The following KAZN variants were observed in gnomAD, a reference collection of about 807,000 sequenced individuals.
The protein encoded by KAZN is kazrin, periplakin interacting protein, also known as kazrin.
A neutral mutation model predicts 87.4 loss-of-function variants in KAZN; 40 were observed. The ratio of observed to expected loss-of-function variants is 0.46; its 90% confidence interval spans 0.36 to 0.60. KAZN has a LOEUF of 0.60. KAZN is among the 20% of genes least tolerant of loss of function. The probability of loss-of-function intolerance (pLI) is 0.00; values close to 1 mark genes in which losing one functional copy is unlikely to be tolerated. For synonymous variants in KAZN, 466 were observed against 458.3 expected (o/e 1.02, Z -0.22); for missense variants, 898 against 1,073.9 (o/e 0.84, Z 2.29).
chr1:14,482,091 A>C (rs1488391043), intron 2 of KAZN, among the ~76,000 whole-genome samples: 1 of 152,218 alleles, frequency 6.6e-6, no homozygotes, highest in African/African-American at 2.4e-5. Context: ...CTTGAGGAGC[A>C]TGCAGCGGTG....
chr1:14,632,755 G>A (rs902934380), intron 1 of KAZN, among the ~76,000 whole-genome samples: 4 of 151,946 alleles, frequency 2.6e-5, no homozygotes, highest in Non-Finnish European at 5.9e-5. Context: ...TCATCCCGCA[G>A]GTACCCTCTG....
intron 2 of KAZN, among the ~76,000 whole-genome samples, chr1:14,256,291 G>A (rs1190222955): frequency 6.6e-6 from 1 of 152,010 alleles, no homozygotes; most frequent in Non-Finnish European, 1.5e-5. Flanking sequence ...AGTGTCTCTG[G>A]CCACACAATA....
At chr1:14,056,484 C>T (rs949714365) in intron 1 of KAZN, among the ~76,000 whole-genome samples, 9 of 152,226 alleles carry the variant, frequency 5.9e-5, no homozygotes, top group African/African-American at 1.7e-4. Context: ...AGGGACCCAG[C>T]CCTGCTGACA....
At chr1:14,549,753 G>T (rs561188621) in intron 2 of KAZN, among the ~76,000 whole-genome samples, 1 of 144,698 alleles carries the variant, frequency 6.9e-6, no homozygotes, top group African/African-American at 2.6e-5. Flanking sequence ...GCCTCAGTTC[G>T]GTCTTCCCAC....
intron 1 of KAZN, among the ~76,000 whole-genome samples, chr1:14,905,966 A>G (rs1320700017): frequency 6.6e-6 from 1 of 151,178 alleles, no homozygotes; most frequent in East Asian, 1.9e-4. Context: ...CAGGAGATCG[A>G]GGCCATCCTG....
intron 8 of KAZN, among the ~76,000 whole-genome samples, chr1:15,068,709 C>T (rs914443356): frequency 2.0e-5 from 3 of 151,938 alleles, no homozygotes; most frequent in Admixed American, 1.3e-4. Flanking sequence ...CCTCCCCCAG[C>T]GAGACTCCAC....
At chr1:13,937,033 C>T (rs1640766372) in intron 1 of KAZN, among the ~76,000 whole-genome samples, 1 of 146,778 alleles carries the variant, frequency 6.8e-6, no homozygotes, top group African/African-American at 2.6e-5. Context: ...TGTTTTTTCC[C>T]CACTTTTTTT....
intron 1 of KAZN, among the ~76,000 whole-genome samples, chr1:14,028,584 T>G (rs1391729161): frequency 2.0e-5 from 3 of 152,198 alleles, no homozygotes; most frequent in African/African-American, 7.2e-5. Context: ...ATCTTTATCT[T>G]TTTTAAAAAA....
chr1:14,731,317 ACAT>A (rs1283171953), intron 1 of KAZN, among the ~76,000 whole-genome samples: 1 of 152,160 alleles, frequency 6.6e-6, no homozygotes, highest in Non-Finnish European at 1.5e-5. Flanking sequence ...TAAGGAAAAA[ACAT>A]CATCATCGTC....
chr1:14,429,250 C>T (rs999612790), intron 2 of KAZN, among the ~76,000 whole-genome samples: 3 of 152,162 alleles, frequency 2.0e-5, no homozygotes, highest in Non-Finnish European at 2.9e-5. Context: ...AATGAAGCCC[C>T]ACAGGGCCCT....
chr1:14,981,008 G>T (rs1414962632), intron 2 of KAZN, among the ~76,000 whole-genome samples: 2 of 152,154 alleles, frequency 1.3e-5, no homozygotes, highest in Non-Finnish European at 2.9e-5. Flanking sequence ...ATGGCCACTG[G>T]GTCTTCCAGT....
intron 1 of KAZN, among the ~76,000 whole-genome samples, chr1:14,844,955 TAATG>T (rs1035662415): frequency 4.0e-5 from 6 of 151,886 alleles, no homozygotes; most frequent in Non-Finnish European, 8.8e-5. Context: ...AATGAGTGGT[TAATG>T]GATGGATGGA....
At chr1:14,454,315 A>C (rs6429661) in intron 2 of KAZN, among the ~76,000 whole-genome samples, 31,440 of 152,152 alleles carry the variant, frequency 0.21, 3,638 homozygotes, top group African/African-American at 0.29. Context: ...CACATTCAAC[A>C]CCATTTAGTA....
At chr1:15,059,320 C>T (rs987449687) in intron 5 of KAZN, among the ~76,000 whole-genome samples, 3 of 152,116 alleles carry the variant, frequency 2.0e-5, no homozygotes, top group African/African-American at 7.2e-5. Flanking sequence ...CAGGCTGAGA[C>T]CTGGAGGATG....
At chr1:14,218,363 A>G (rs188218310) in intron 2 of KAZN, among the ~76,000 whole-genome samples, 97 of 152,250 alleles carry the variant, frequency 6.4e-4, no homozygotes, top group African/African-American at 2.3e-3. Context: ...CCCAATAGCA[A>G]TGACATCTCT....
At chr1:14,503,880 C>A (rs145078161) in intron 2 of KAZN, among the ~76,000 whole-genome samples, 1 of 152,290 alleles carries the variant, frequency 6.6e-6, no homozygotes, top group East Asian at 1.9e-4. Context: ...TTCCCACCCC[C>A]TGGTCTGATC....
Position 15,112,454 on chromosome 1 carries a change from T to C in KAZN, c.2076T>C (p.Arg692=). ...ANSTGIREAE[R]FGTPPGRASS... ...CCACAGGCATCCGGGAGGCTGAGCG[T>C]TTTGGAACGCCCCCTGGCAGGGCCT... The change falls in exon 14 of 15, where the codon CGT becomes CGC. Residue 692 remains arginine, a synonymous_variant. Transcript: ENST00000376030. 1 of 1,605,154 alleles carries C rather than the reference T, an allele frequency of 6.2e-7. No homozygotes were observed. The highest frequency in any genetic ancestry group is 2.2e-5 in the East Asian group (1 of 44,546).
chr1:14,547,992 G>T (rs1488208680), intron 2 of KAZN, among the ~76,000 whole-genome samples: 1 of 149,050 alleles, frequency 6.7e-6, no homozygotes, highest in Non-Finnish European at 1.5e-5. Context: ...AAGAAGAATT[G>T]TCTTGGGCCA....
chr1:14,093,641 G>A (rs573962517), intron 1 of KAZN, among the ~76,000 whole-genome samples: 1 of 151,890 alleles, frequency 6.6e-6, no homozygotes, highest in South Asian at 2.1e-4. Context: ...CTGAGTATTT[G>A]AGTCTAAGTC....
Sources: gnomAD v4.1 joint callset for allele counts (sites outside exome capture counted in the v4.1 genomes callset) on GRCh38, gnomAD v4.1.1 for gene constraint, MANE v1.5 for transcripts, NCBI Gene and HGNC (gene_info 2026-07-23, HGNC 2026-07-21) for gene names.